The following MPHOSPH9 variants were observed in gnomAD, a reference collection of about 807,000 sequenced individuals.
The protein encoded by MPHOSPH9 is M-phase phosphoprotein 9.
Under a neutral mutation model 145.5 loss-of-function variants are expected in MPHOSPH9, and 88 were observed. The observed-to-expected ratio is 0.60, with a 90% CI of 0.51 to 0.72. The LOEUF is 0.72. Ranked by LOEUF, MPHOSPH9 falls within the 30% of genes least tolerant of loss-of-function variation. MPHOSPH9 has a pLI of 0.00. For missense variants in MPHOSPH9, 1,238 were observed against 1,386.6 expected (o/e 0.89, Z 1.70); for synonymous variants, 435 against 486.2 (o/e 0.89, Z 1.39).
At chr12:123,237,565 G>A (rs765145103), upstream of MPHOSPH9, among the ~76,000 whole-genome samples, 11 of 152,198 alleles carry the variant, frequency 7.2e-5, no homozygotes, top group Non-Finnish European at 1.6e-4. Flanking sequence ...ACCAGACCTA[G>A]AGTAGTCTCT....
In MPHOSPH9 at chr12:123,156,911, A is replaced by G. The variant is rs771528853; in HGVS notation, c.3451-3T>C. The G allele has an allele frequency of 1.9e-6, 3 of 1,596,068 alleles. No individual in the cohort carries two copies. Among genetic ancestry groups the G allele is most frequent in the Non-Finnish European group, 8.6e-7 (1 of 1,166,742 alleles). On this transcript the variant is annotated splice_region_variant and splice_polypyrimidine_tract_variant and intron_variant, in intron 23 of 23. Transcript: ENST00000606320. ...TCCAAACGATCTTCCAAGGCTTCCTAGGTGAAAACAATGGGAAAAGTTTAA... is the reference window on the plus strand; with the variant it reads ...TCCAAACGATCTTCCAAGGCTTCCTGGGTGAAAACAATGGGAAAAGTTTAA...
At chr12:123,198,809 C>CAAAAAAAAAAAAAA (rs35259138) in intron 11 of MPHOSPH9, among the ~76,000 whole-genome samples, 1 of 48,532 alleles carries the variant, frequency 2.1e-5, no homozygotes, top group Non-Finnish European at 3.1e-5. Flanking sequence ...GAACCTGTCT[C>CAAAAAAAAAAAAAA]AAAAAAAAAA....
At chr12:123,235,491 A>G (rs1270361421), upstream of MPHOSPH9, among the ~76,000 whole-genome samples, 1 of 151,154 alleles carries the variant, frequency 6.6e-6, no homozygotes, top group African/African-American at 2.4e-5. Context: ...TAGCCTCCCT[A>G]GTAGCTGAGA....
intron 13 of MPHOSPH9, among the ~76,000 whole-genome samples, chr12:123,183,563 A>G (rs1033522931): frequency 2.6e-5 from 4 of 151,164 alleles, no homozygotes; most frequent in East Asian, 1.9e-4. Flanking sequence ...AAAAAAAAAA[A>G]AAAAAAAGAA....
Position 123,155,595 on chromosome 12 carries a change from C to T in MPHOSPH9, c.*1212G>A, listed in dbSNP as rs531356496. The T allele has an allele frequency of 6.6e-6, 1 of 152,268 alleles. No homozygotes were observed. Among genetic ancestry groups the T allele is most frequent in the East Asian group, 1.9e-4 (1 of 5,190 alleles). The allele number at this position is 152,268 out of a possible 1,614,324, so 9.4% of individuals were successfully genotyped here. ...GATGAGTCTGTTTATCAACATGTAC[C>T]GAGCTGGAATATGTGGGGCACTGCG... is the stretch of plus-strand genomic sequence containing the variant. On this transcript the variant is annotated 3_prime_UTR_variant, in exon 24 of 24. Transcript: ENST00000606320.
intron 16 of MPHOSPH9, among the ~76,000 whole-genome samples, chr12:123,173,538 C>T (rs1050304413): frequency 6.6e-6 from 1 of 152,164 alleles, no homozygotes; most frequent in African/African-American, 2.4e-5. Context: ...AGGATCTGAA[C>T]AGAAAGGCCT....
intron 1 of MPHOSPH9, among the ~76,000 whole-genome samples, chr12:123,241,362 G>A (rs970675037): frequency 5.9e-5 from 9 of 151,564 alleles, no homozygotes; most frequent in African/African-American, 1.9e-4. Context: ...ACAGAGTCTC[G>A]CTCCTTCAGT....
intron 4 of MPHOSPH9, 70 bp from the exon 5 acceptor site, chr12:123,221,965 G>A: frequency 2.5e-6 from 2 of 792,844 alleles, no homozygotes; most frequent in Non-Finnish European, 3.9e-6. Flanking sequence ...ACTGTTACAA[G>A]AATATCATGT....
At chr12:123,210,305 G>T (rs2046646586) in intron 7 of MPHOSPH9, 143 bp from the exon 8 acceptor site, 2 of 488,542 alleles carry the variant, frequency 4.1e-6, no homozygotes, top group Non-Finnish European at 7.1e-6. Context: ...ATGGAAAAAA[G>T]TTATCTAAAT....
chr12:123,195,068 A>C (rs2045884583), intron 12 of MPHOSPH9, among the ~76,000 whole-genome samples: 1 of 152,242 alleles, frequency 6.6e-6, no homozygotes, highest in Non-Finnish European at 1.5e-5. Flanking sequence ...GAATAGTTCT[A>C]CTGGAATACC....
intron 13 of MPHOSPH9, among the ~76,000 whole-genome samples, chr12:123,183,572 A>G (rs1477064852): frequency 6.7e-6 from 1 of 150,142 alleles, no homozygotes; most frequent in East Asian, 2.0e-4. Context: ...AAAAAAAAAG[A>G]AAAAGGAAAA....
chr12:123,162,242 G>A (rs2044143940), intron 20 of MPHOSPH9, 24 bp from the exon 21 acceptor site: 11 of 1,327,394 alleles, frequency 8.3e-6, no homozygotes, highest in Non-Finnish European at 1.1e-5. Context: ...CAAGTTACTT[G>A]TGAGAAAAAA....
At chr12:123,212,175 A>T (rs914701886) in intron 7 of MPHOSPH9, among the ~76,000 whole-genome samples, 1 of 152,040 alleles carries the variant, frequency 6.6e-6, no homozygotes, top group Non-Finnish European at 1.5e-5. Context: ...TAAAGGGGAT[A>T]TGTAGTGGGG....
chr12:123,181,595 C>A (rs571203067), intron 13 of MPHOSPH9, among the ~76,000 whole-genome samples: 163 of 151,700 alleles, frequency 1.1e-3, no homozygotes, highest in African/African-American at 3.7e-3. Context: ...CGGTGGCTCA[C>A]GCCTGTAATC....
At chr12:123,221,338 T>C (rs746725421) in intron 5 of MPHOSPH9, 34 bp downstream of exon 5, 1 of 1,476,780 alleles carries the variant, frequency 6.8e-7, no homozygotes. Context: ...CTAAATGTAA[T>C]AAACTCCCTT....
chr12:123,182,432 G>A (rs1272133709), intron 13 of MPHOSPH9, among the ~76,000 whole-genome samples: 1 of 150,444 alleles, frequency 6.6e-6, no homozygotes, highest in Non-Finnish European at 1.5e-5. Flanking sequence ...TTTTGTATTA[G>A]ATGGCGTCTC....
At chr12:123,164,262 A>G (rs567936312) in intron 18 of MPHOSPH9, among the ~76,000 whole-genome samples, 172 bp from the exon 19 acceptor site, 1 of 152,330 alleles carries the variant, frequency 6.6e-6, no homozygotes, top group South Asian at 2.1e-4. Context: ...CTATTTGCAA[A>G]TGCACCACAT....
At chr12:123,207,287 A>G (rs772738603) in intron 8 of MPHOSPH9, among the ~76,000 whole-genome samples, 13 of 152,156 alleles carry the variant, frequency 8.5e-5, no homozygotes, top group South Asian at 4.1e-4. Flanking sequence ...TCAAGATCAG[A>G]TAACACTGTG....
At chr12:123,199,286 C>T (rs2046110564) in intron 11 of MPHOSPH9, among the ~76,000 whole-genome samples, 2 of 152,228 alleles carry the variant, frequency 1.3e-5, no homozygotes, top group South Asian at 4.1e-4. Flanking sequence ...ACGAATATAA[C>T]TATTCTTATA....
Sources: gnomAD v4.1 joint callset for allele counts (sites outside exome capture counted in the v4.1 genomes callset) on GRCh38, gnomAD v4.1.1 for gene constraint, MANE v1.5 for transcripts, NCBI Gene and HGNC (gene_info 2026-07-23, HGNC 2026-07-21) for gene names.